Variants in RORA observed in about 807,000 individuals in gnomAD.
RORA encodes the protein nuclear receptor ROR-alpha.
A neutral mutation model predicts 69.5 loss-of-function variants in RORA; 7 were observed. The observed-to-expected ratio is 0.10, with a 90% CI of 0.06 to 0.19. RORA has a LOEUF of 0.19. Among genes scored for constraint, RORA ranks in the 10% least tolerant of loss-of-function variants. The pLI is 1.00. For synonymous variants in RORA, 261 were observed against 240.8 expected (o/e 1.08, Z -0.78); for missense variants, 457 against 663.0 (o/e 0.69, Z 3.41).
intron 6 of RORA, among the ~76,000 whole-genome samples, chr15:60,505,184 TAAA>T (rs1226833080): frequency 6.6e-6 from 1 of 152,228 alleles, no homozygotes; most frequent in Non-Finnish European, 1.5e-5. Context: ...TTCCAGACCT[TAAA>T]ATCTTGATTG....
chr15:61,100,206 G>A (rs547938865), intron 1 of RORA, among the ~76,000 whole-genome samples: 8 of 140,882 alleles, frequency 5.7e-5, no homozygotes, highest in East Asian at 4.6e-4. Flanking sequence ...TGCAGCCTCC[G>A]CCTCCGGGTT....
chr15:60,627,564 G>C (rs2069625101), intron 2 of RORA: 3 of 1,335,652 alleles, frequency 2.2e-6, no homozygotes, highest in Non-Finnish European at 2.9e-6. Context: ...CAGCCACAAA[G>C]AATGAGGTAC....
intron 1 of RORA, among the ~76,000 whole-genome samples, chr15:60,995,503 C>G (rs1894505999): frequency 6.6e-6 from 1 of 152,222 alleles, no homozygotes; most frequent in African/African-American, 2.4e-5. Flanking sequence ...CCTTCCTCCC[C>G]CTGACCAGGT....
At chr15:61,022,916 GGC>G (rs1401035196) in intron 1 of RORA, among the ~76,000 whole-genome samples, 1 of 152,028 alleles carries the variant, frequency 6.6e-6, no homozygotes, top group Admixed American at 6.5e-5. Flanking sequence ...CGGGCACGGT[GGC>G]CCACACCTGC....
At chr15:60,796,941 G>A (rs1311444156) in intron 1 of RORA, among the ~76,000 whole-genome samples, 6 of 150,840 alleles carry the variant, frequency 4.0e-5, no homozygotes, top group African/African-American at 1.5e-4. Context: ...AGTCACAAAA[G>A]GCCACATAAT....
intron 1 of RORA, among the ~76,000 whole-genome samples, chr15:61,091,329 GCTGT>G (rs1037940502): frequency 1.1e-4 from 17 of 152,322 alleles, no homozygotes; most frequent in Admixed American, 4.6e-4. Flanking sequence ...ATGCATCTCA[GCTGT>G]CTAATTGCAC....
At chr15:60,945,961 G>A (rs1892856622) in intron 1 of RORA, among the ~76,000 whole-genome samples, 1 of 152,174 alleles carries the variant, frequency 6.6e-6, no homozygotes, top group South Asian at 2.1e-4. Context: ...TGACGAGTCA[G>A]GAATGTACCA....
chr15:60,501,801 A>G lies in RORA; in HGVS notation c.1184-732T>C, dbSNP rs180993596. On this transcript the variant is annotated intron_variant, in intron 8 of 10. Transcript: ENST00000335670. The stretch of plus-strand genomic sequence containing the variant: ...AAAAGACTGGTTAAGTTTGGTGTCT[A>G]TTCCTTCAGATTTGCATATTTTACA... 4.8e-4 allele frequency among the ~76,000 whole-genome samples: 73 copies of G among 152,322 alleles called. No homozygotes were observed. The East Asian group carries it at 0.012, about 25-fold the overall frequency.
intron 1 of RORA, among the ~76,000 whole-genome samples, chr15:61,136,142 T>C (rs894331828): frequency 5.3e-5 from 8 of 152,024 alleles, no homozygotes; most frequent in Admixed American, 2.6e-4. Context: ...GGTGGAAGAG[T>C]TCCTGGCCAT....
At chr15:61,183,688 T>C (rs2079711244) in intron 1 of RORA, among the ~76,000 whole-genome samples, 2 of 152,222 alleles carry the variant, frequency 1.3e-5, no homozygotes, top group Admixed American at 1.3e-4. Flanking sequence ...TCATTTATTC[T>C]GATTTTTTGT....
At chr15:60,648,812 G>T (rs1337196558) in intron 2 of RORA, among the ~76,000 whole-genome samples, 1 of 152,166 alleles carries the variant, frequency 6.6e-6, no homozygotes, top group Non-Finnish European at 1.5e-5. Context: ...CTTTTTGAGG[G>T]GGGAGAGGGA....
chr15:61,212,543 G>A (rs1033900849), intron 1 of RORA, among the ~76,000 whole-genome samples: 3 of 152,088 alleles, frequency 2.0e-5, no homozygotes, highest in Admixed American at 6.6e-5. Context: ...GGGATTACAA[G>A]TGCACACCTG....
chr15:61,045,237 G>A (rs1184686933), intron 1 of RORA, among the ~76,000 whole-genome samples: 1 of 152,112 alleles, frequency 6.6e-6, no homozygotes, highest in Non-Finnish European at 1.5e-5. Flanking sequence ...CAGATCTGAT[G>A]GTTTTCTAAA....
intron 2 of RORA, among the ~76,000 whole-genome samples, chr15:60,670,221 T>C (rs2070444946): frequency 7.0e-6 from 1 of 143,138 alleles, no homozygotes; most frequent in Non-Finnish European, 1.5e-5. Context: ...TTTCTTTTTT[T>C]TTTTTTGAGA....
Position 60,492,028 on chromosome 15 carries a change from G to A in RORA, c.*5427C>T, listed in dbSNP as rs1047792698. On this transcript the variant is annotated 3_prime_UTR_variant, in exon 11 of 11. Transcript: ENST00000335670. ...TCACATGTTATGTAAAAATGTCAAC[G>A]TGTGTGTGTATACACACATATACAA... 5 of 119,568 alleles carry A rather than the reference G, an allele frequency of 4.2e-5. No homozygotes were observed. The highest frequency in any genetic ancestry group is 9.2e-5 in the Non-Finnish European group (5 of 54,456). The allele number at this position is 119,568 out of a possible 1,614,324, so 7.4% of individuals were successfully genotyped here.
chr15:60,803,262 C>T (rs558970188), intron 1 of RORA, among the ~76,000 whole-genome samples: 1 of 152,306 alleles, frequency 6.6e-6, no homozygotes, highest in Non-Finnish European at 1.5e-5. Flanking sequence ...ACGTGCACAT[C>T]CTGAGCTTCG....
intron 1 of RORA, among the ~76,000 whole-genome samples, chr15:60,998,188 G>T (rs926539039): frequency 1.3e-5 from 2 of 152,044 alleles, no homozygotes; most frequent in African/African-American, 4.8e-5. Flanking sequence ...TTCTGAGACA[G>T]GTTCTTGCTA....
At chr15:61,202,981 A>G (rs1367382811) in intron 1 of RORA, among the ~76,000 whole-genome samples, 2 of 152,224 alleles carry the variant, frequency 1.3e-5, no homozygotes, top group African/African-American at 4.8e-5. Context: ...ACAATCATAT[A>G]AGGAACAAGT....
intron 1 of RORA, among the ~76,000 whole-genome samples, chr15:61,119,919 A>T (rs2079086953): frequency 6.6e-6 from 1 of 152,208 alleles, no homozygotes; most frequent in Admixed American, 6.5e-5. Flanking sequence ...TGAGGGCAAC[A>T]AAAGAGAAGT....
Sources: allele counts gnomAD v4.1 joint callset (sites outside exome capture counted in the v4.1 genomes callset), GRCh38; gene constraint gnomAD v4.1.1; transcripts MANE v1.5; gene names NCBI Gene and HGNC (gene_info 2026-07-23, HGNC 2026-07-21).